The following PTPRK variants were observed in gnomAD, a reference collection of about 807,000 sequenced individuals.
PTPRK encodes protein tyrosine phosphatase receptor type K.
In PTPRK, 75 loss-of-function variants were observed where a neutral mutation model predicts 178.0. The observed-to-expected ratio is 0.42, with a 90% CI of 0.35 to 0.51. The LOEUF (loss-of-function observed/expected upper bound fraction) is 0.51, where lower values mean the gene tolerates loss of function less well. PTPRK is among the 20% of genes least tolerant of loss of function. The pLI is 0.02. For synonymous variants in PTPRK, 637 were observed against 620.6 expected, an observed-to-expected ratio of 1.03 and a Z score of -0.39; for missense variants, 1,441 against 1,797.8, an observed-to-expected ratio of 0.80 and a Z score of 3.59.
chr6:127,975,003 T>G (rs2114609579), intron 27 of PTPRK, among the ~76,000 whole-genome samples: 1 of 152,302 alleles, frequency 6.6e-6, no homozygotes, highest in Non-Finnish European at 1.5e-5. Flanking sequence ...CAAGCCCTAC[T>G]TAGTACTCTA....
At chr6:128,057,886 T>TATTA (rs2114902257) in intron 13 of PTPRK, among the ~76,000 whole-genome samples, 1 of 152,340 alleles carries the variant, frequency 6.6e-6, no homozygotes, top group African/African-American at 2.4e-5. Flanking sequence ...TTTTAACTTT[T>TATTA]ATTAGTTATT....
chr6:128,154,084 G>A (rs1010781253), intron 7 of PTPRK, among the ~76,000 whole-genome samples: 3 of 151,554 alleles, frequency 2.0e-5, no homozygotes, highest in Non-Finnish European at 4.4e-5. Context: ...AAAGAAGAAG[G>A]ATAGAAAAAG....
At chr6:128,154,528 A>G (rs1797707897) in intron 7 of PTPRK, among the ~76,000 whole-genome samples, 1 of 151,808 alleles carries the variant, frequency 6.6e-6, no homozygotes, top group Non-Finnish European at 1.5e-5. Flanking sequence ...CAACAAAAAA[A>G]TCAACATTAA....
At chr6:128,444,000 G>A (rs964285042) in intron 1 of PTPRK, among the ~76,000 whole-genome samples, 2 of 151,984 alleles carry the variant, frequency 1.3e-5, no homozygotes, top group Non-Finnish European at 2.9e-5. Flanking sequence ...CTACAGGCAC[G>A]TGCCACCACA....
intron 2 of PTPRK, among the ~76,000 whole-genome samples, chr6:128,354,231 G>GTTTTTTTTGTTTT (rs1833613113): frequency 4.1e-5 from 2 of 49,358 alleles, no homozygotes; most frequent in Non-Finnish European, 6.5e-5. Flanking sequence ...TTTTGTTTAT[G>GTTTTTTTTGTTTT]TTTTTTTTTT....
In PTPRK at chr6:128,425,803, G is replaced by A. The variant is rs142206605; in HGVS notation, c.101-28115C>T. On this transcript the variant is annotated intron_variant, in intron 1 of 29. Coordinates refer to ENST00000368226, the MANE Select transcript of PTPRK (RefSeq NM_002844.4). ...CCACCCACTGACTCTTCACTCTGAC[G>A]TTCAGGCACTCTACCACCTTGACTC... Among the ~76,000 whole-genome samples, 314 of 152,238 alleles carry A rather than the reference G, an allele frequency of 2.1e-3. 1 individual carries two copies. The highest frequency in any genetic ancestry group is 7.1e-3 in the African/African-American group (295 of 41,548).
chr6:127,977,249 A>C lies in PTPRK; in HGVS notation c.3712-195T>G, dbSNP rs540435618. Among the ~76,000 whole-genome samples the C allele has an allele frequency of 2.0e-4, 30 of 152,344 alleles. 2 individuals carry two copies. The highest frequency in any genetic ancestry group is 7.2e-4 in the African/African-American group (30 of 41,578). ...AATGAACTGAATTAGTACAGTAATG[A>C]ATCAATTTGGTGGAAGACTTCAATG... On this transcript the variant is annotated intron_variant, in intron 25 of 29. Transcript: ENST00000368226.
intron 6 of PTPRK, among the ~76,000 whole-genome samples, chr6:128,186,531 T>C (rs1210838097): frequency 1.3e-5 from 2 of 152,126 alleles, no homozygotes; most frequent in Admixed American, 1.3e-4. Context: ...TCCTGATAGT[T>C]TGCAAATTGT....
chr6:128,283,990 T>C (rs1023263642), intron 3 of PTPRK, among the ~76,000 whole-genome samples: 2 of 152,210 alleles, frequency 1.3e-5, no homozygotes, highest in African/African-American at 2.4e-5. Flanking sequence ...AGGTATTTAT[T>C]GCAGGTTAAA....
intron 13 of PTPRK, among the ~76,000 whole-genome samples, chr6:128,013,226 T>G (rs1168061585): frequency 6.6e-6 from 1 of 151,390 alleles, no homozygotes; most frequent in Non-Finnish European, 1.5e-5. Context: ...AGATTTTTGT[T>G]TGCTCATCCC....
chr6:128,001,786 T>C (rs1348754217), intron 15 of PTPRK, among the ~76,000 whole-genome samples: 3 of 151,988 alleles, frequency 2.0e-5, no homozygotes, highest in East Asian at 3.9e-4. Context: ...ACTTTACATA[T>C]GTGTAGAAAA....
chr6:128,087,352 T>C (rs925748475), intron 8 of PTPRK, among the ~76,000 whole-genome samples: 1 of 151,870 alleles, frequency 6.6e-6, no homozygotes, highest in Non-Finnish European at 1.5e-5. Flanking sequence ...CAATAAAACA[T>C]GTGAATATAC....
At chr6:128,187,507 TAC>T (rs1482825435) in intron 6 of PTPRK, among the ~76,000 whole-genome samples, 1 of 152,192 alleles carries the variant, frequency 6.6e-6, no homozygotes, top group East Asian at 1.9e-4. Flanking sequence ...ACTCAACTCC[TAC>T]ATACACCAAC....
At chr6:128,144,360 A>G (rs1165314933) in intron 7 of PTPRK, among the ~76,000 whole-genome samples, 1 of 152,222 alleles carries the variant, frequency 6.6e-6, no homozygotes, top group Non-Finnish European at 1.5e-5. Flanking sequence ...CTTGTTGTAT[A>G]TTTGTAATAA....
At chr6:128,326,230 G>A (rs1451378909) in intron 2 of PTPRK, among the ~76,000 whole-genome samples, 1 of 152,080 alleles carries the variant, frequency 6.6e-6, no homozygotes, top group Non-Finnish European at 1.5e-5. Flanking sequence ...GACGAGTGCA[G>A]CAAACCACCA....
chr6:128,471,955 A>C (rs1039650493), intron 1 of PTPRK, among the ~76,000 whole-genome samples: 1 of 152,090 alleles, frequency 6.6e-6, no homozygotes, highest in African/African-American at 2.4e-5. Context: ...AGCCAAAGAA[A>C]ATAAGAAGAC....
chr6:128,130,954 T>C (rs1023839615), intron 7 of PTPRK, among the ~76,000 whole-genome samples: 2 of 152,238 alleles, frequency 1.3e-5, no homozygotes, highest in African/African-American at 4.8e-5. Context: ...TGAATGAGTA[T>C]TGTTTGTCTT....
chr6:128,444,359 A>G lies in PTPRK; in HGVS notation c.101-46671T>C, dbSNP rs1478016908. Among the ~76,000 whole-genome samples, 3 of 152,250 alleles carry G rather than the reference A, an allele frequency of 2.0e-5. No homozygotes were observed. The East Asian group carries it at 5.8e-4, about 29-fold the overall frequency. On this transcript the variant is annotated intron_variant, in intron 1 of 29. Transcript: ENST00000368226. ...CTCACCACCCTGGCTTGCCTTTAGC[A>G]AGAATTCTGTTAGGTCTGTTTAACC...
intron 13 of PTPRK, among the ~76,000 whole-genome samples, chr6:128,041,618 G>A (rs1777177551): frequency 6.6e-6 from 1 of 151,882 alleles, no homozygotes; most frequent in Admixed American, 6.6e-5. Context: ...ATAAAGGTCT[G>A]TTTTTAATTG....
Sources: gnomAD v4.1 joint callset for allele counts (sites outside exome capture counted in the v4.1 genomes callset) on GRCh38, gnomAD v4.1.1 for gene constraint, MANE v1.5 for transcripts, NCBI Gene and HGNC (gene_info 2026-07-23, HGNC 2026-07-21) for gene names.